Variants in MBP observed in about 807,000 individuals in gnomAD.
MBP encodes the protein myelin basic protein, also known as Golli-MBP.
In MBP, 16 loss-of-function variants were observed where a neutral mutation model predicts 35.8. That is an observed-to-expected ratio of 0.45 (90% CI 0.30 to 0.68). The LOEUF (loss-of-function observed/expected upper bound fraction) is 0.68, where lower values mean the gene tolerates loss of function less well. Ranked by LOEUF, MBP falls within the 30% of genes least tolerant of loss-of-function variation. The probability of loss-of-function intolerance (pLI) is 0.08; values close to 1 mark genes in which losing one functional copy is unlikely to be tolerated. For missense variants in MBP, 380 were observed against 404.7 expected, an observed-to-expected ratio of 0.94 and a Z score of 0.52; for synonymous variants, 143 against 159.6, an observed-to-expected ratio of 0.90 and a Z score of 0.78.
In MBP at chr18:77,116,693, T is replaced by C. The variant is rs983068117; in HGVS notation, c.-25-11407A>G. Among the ~76,000 whole-genome samples the C allele has an allele frequency of 3.5e-4, 54 of 152,196 alleles. 1 individual carries two copies. Among genetic ancestry groups the C allele is most frequent in the Admixed American group, 3.3e-3 (51 of 15,282 alleles). ...GGCCAACACGGCGAAACCCCGTCTC[T>C]GCTAAAAATACAAAACTTCACCGCG... is the stretch of plus-strand genomic sequence containing the variant. On this transcript the variant is annotated intron_variant, in intron 1 of 8. Coordinates refer to ENST00000355994, the MANE Select transcript of MBP (RefSeq NM_001025101.2).
At chr18:77,129,746 G>C (rs1445984676) in intron 1 of MBP, among the ~76,000 whole-genome samples, 3 of 152,080 alleles carry the variant, frequency 2.0e-5, no homozygotes, top group Non-Finnish European at 2.9e-5. Flanking sequence ...AGAGTAATTA[G>C]AGGCCAGGCG....
At position 77,105,251 on chromosome 18, in the gene MBP, T is replaced by C; in HGVS notation, c.11A>G (p.His4Arg). ...GGCATTTAATTCTCGTTTGCCTGCG[T>C]GGTTTCCCATCCTGAATGGATTGGC... MGNHAGKRELNAEK... is the reference protein window; with the variant it reads MGNRAGKRELNAEK... The change falls in exon 2 of 9, where the codon CAC becomes CGC. Residue 4 changes from histidine (H) to arginine (R), a missense_variant. Coordinates refer to ENST00000355994, the MANE Select transcript of MBP (RefSeq NM_001025101.2). The C allele has an allele frequency of 1.2e-6, 2 of 1,612,604 alleles. No individual in the cohort carries two copies. Among genetic ancestry groups the C allele is most frequent in the Admixed American group, 3.3e-5 (2 of 59,974 alleles).
At chr18:77,132,210 C>G (rs1329633750) in intron 1 of MBP, among the ~76,000 whole-genome samples, 1 of 152,104 alleles carries the variant, frequency 6.6e-6, no homozygotes, top group Non-Finnish European at 1.5e-5. Flanking sequence ...CTGGGACCGC[C>G]GGGCCTGGCT....
chr18:76,996,600 T>A (rs1053368117), intron 4 of MBP, among the ~76,000 whole-genome samples: 7 of 152,290 alleles, frequency 4.6e-5, no homozygotes, highest in Middle Eastern at 3.4e-3. Context: ...GGAATCTTGC[T>A]GAGTAAAAGC....
chr18:77,008,125 A>G (rs1971105928), intron 4 of MBP, among the ~76,000 whole-genome samples: 1 of 152,050 alleles, frequency 6.6e-6, no homozygotes, highest in Admixed American at 6.5e-5. Context: ...CCAAGCCGCT[A>G]CCTGCCAGCG....
chr18:77,051,378 T>G (rs1344857873), intron 3 of MBP, among the ~76,000 whole-genome samples: 1 of 152,234 alleles, frequency 6.6e-6, no homozygotes, highest in East Asian at 1.9e-4. Context: ...TCACATCCAC[T>G]GTTTATTTTA....
At chr18:77,094,178 G>A (rs1346808203) in intron 2 of MBP, among the ~76,000 whole-genome samples, 3 of 152,150 alleles carry the variant, frequency 2.0e-5, no homozygotes, top group East Asian at 3.9e-4. Context: ...TTTTCACCAT[G>A]TTGGCCAGGC....
chr18:77,014,993 G>T, intron 4 of MBP: 1 of 984,940 alleles, frequency 1.0e-6, no homozygotes. Context: ...GGCCAGCCCT[G>T]TTTTGCAAAG....
intron 2 of MBP, among the ~76,000 whole-genome samples, chr18:77,094,275 A>T (rs372885007): frequency 2.6e-5 from 4 of 152,218 alleles, no homozygotes; most frequent in Non-Finnish European, 5.9e-5. Flanking sequence ...AGCCCAGCCT[A>T]AAGTTTCTCT....
At position 77,105,225 on chromosome 18, in the gene MBP, C is replaced by G. The variant is rs779270491; in HGVS notation, c.37G>C (p.Glu13Gln). The change falls in exon 2 of 9, where the codon GAG becomes CAG. Residue 13 changes from glutamate (E) to glutamine (Q), a missense_variant. Coordinates refer to ENST00000355994, the MANE Select transcript of MBP (RefSeq NM_001025101.2). ...TCACGTCTTACCGTACTGGCCTTCT[C>G]GGCATTTAATTCTCGTTTGCCTGCG... The part of the protein sequence containing the change: ...NHAGKRELNA[E>Q]KASTNSETNR... 1 of 1,612,580 alleles carries G rather than the reference C, an allele frequency of 6.2e-7. No individual in the cohort carries two copies. The highest frequency in any genetic ancestry group is 1.3e-5 in the African/African-American group (1 of 74,874).
rs376361044 is a variant in MBP at position 76,988,481 on chromosome 18, C to T, written c.750+14G>A. 130 of 1,614,080 alleles carry T rather than the reference C, an allele frequency of 8.1e-5. No individual in the cohort carries two copies. The highest frequency in any genetic ancestry group is 1.6e-4 in the Middle Eastern group (1 of 6,084). On this transcript the variant is annotated intron_variant, in intron 7 of 8. Transcript: ENST00000355994. The surrounding 1 kb of genome is among the most constrained non-coding windows in gnomAD (Gnocchi z 5.2). ...ACGGAAGAGGAAGCCGATGGAAGTG[C>T]GTTCGTCACCTACCCAGCTAAATCT...
At chr18:77,078,929 C>T (rs1974772312) in intron 2 of MBP, among the ~76,000 whole-genome samples, 2 of 152,210 alleles carry the variant, frequency 1.3e-5, no homozygotes, top group African/African-American at 4.8e-5. Flanking sequence ...GCCCTGGGCA[C>T]TCCTGCCCAG....
chr18:77,085,510 G>A (rs1301074745), intron 2 of MBP, among the ~76,000 whole-genome samples: 2 of 151,858 alleles, frequency 1.3e-5, no homozygotes, highest in African/African-American at 4.9e-5. Context: ...GCTCATGTAA[G>A]GCTCATGACA....
At chr18:77,049,254 G>A (rs1376450596) in intron 3 of MBP, among the ~76,000 whole-genome samples, 1 of 152,198 alleles carries the variant, frequency 6.6e-6, no homozygotes, top group Non-Finnish European at 1.5e-5. Context: ...GTTCACCGAT[G>A]TACTCCTGCC....
rs562822457 is a variant in MBP at position 77,052,464 on chromosome 18, T to C, written c.139+13834A>G. ...CCCATCCCAGCTGCTATTTGTGCCA[T>C]TGTAAGGTTTGTATTCCCTCTTTGT... On this transcript the variant is annotated intron_variant, in intron 3 of 8. Coordinates refer to ENST00000355994, the MANE Select transcript of MBP (RefSeq NM_001025101.2). Among the ~76,000 whole-genome samples, 4 of 152,284 alleles carry C rather than the reference T, an allele frequency of 2.6e-5. No individual in the cohort carries two copies. In the South Asian group the frequency reaches 8.3e-4, roughly 32 times the overall value.
intron 8 of MBP, chr18:76,980,784 A>G (rs1028799283): frequency 6.0e-6 from 2 of 333,816 alleles, no homozygotes; most frequent in Middle Eastern, 8.6e-4. Context: ...CAGCCGCTCC[A>G]TTGCTTTGCT....
At chr18:77,100,539 GTGTGTGTT>G (rs752293113) in intron 2 of MBP, among the ~76,000 whole-genome samples, 2 of 64,138 alleles carry the variant, frequency 3.1e-5, no homozygotes, top group African/African-American at 8.2e-5. Context: ...GTGTGTGTGT[GTGTGTGTT>G]TTGTGGTTTT....
chr18:77,007,346 G>A (rs112042140), intron 4 of MBP, among the ~76,000 whole-genome samples: 59 of 152,320 alleles, frequency 3.9e-4, no homozygotes, highest in African/African-American at 1.2e-3. Context: ...TGCAAATGGC[G>A]TGGGATTGCC....
At chr18:77,018,839 C>CCCAT (rs1353332090) in intron 3 of MBP, among the ~76,000 whole-genome samples, 1 of 134,056 alleles carries the variant, frequency 7.5e-6, no homozygotes, top group Non-Finnish European at 1.6e-5. Context: ...CATATATCCA[C>CCCAT]CCATCCATCC....
Sources: allele counts gnomAD v4.1 joint callset (sites outside exome capture counted in the v4.1 genomes callset), GRCh38; gene constraint gnomAD v4.1.1; non-coding constraint Gnocchi (gnomAD v3.1); transcripts MANE v1.5; gene names NCBI Gene and HGNC (gene_info 2026-07-23, HGNC 2026-07-21).